Variants in NOL4 observed in about 807,000 individuals in gnomAD.
NOL4 encodes cancer/testis antigen 125.
NOL4 carries 17 observed loss-of-function variants against 75.9 expected under a neutral mutation model. The observed-to-expected ratio is 0.22, with a 90% confidence interval of 0.15 to 0.34. The LOEUF is 0.34. NOL4 is among the 10% of genes least tolerant of loss of function. NOL4 has a pLI of 1.00. For missense variants in NOL4, 614 were observed against 793.5 expected (o/e 0.77, Z 2.72); for synonymous variants, 292 against 289.9 (o/e 1.01, Z -0.07).
intron 6 of NOL4, among the ~76,000 whole-genome samples, chr18:34,015,493 C>T (rs2074632783): frequency 6.6e-6 from 1 of 151,990 alleles, no homozygotes; most frequent in Non-Finnish European, 1.5e-5. Context: ...CCCTTCTTAT[C>T]TAGTTACTTT....
chr18:34,150,793 A>G (rs1191341892), intron 1 of NOL4, among the ~76,000 whole-genome samples: 3 of 151,788 alleles, frequency 2.0e-5, no homozygotes, highest in African/African-American at 7.2e-5. Context: ...CATAGTCAAG[A>G]GAGGGAGAAG....
At chr18:34,155,674 A>C (rs2030246501) in intron 1 of NOL4, among the ~76,000 whole-genome samples, 1 of 152,054 alleles carries the variant, frequency 6.6e-6, no homozygotes, top group Non-Finnish European at 1.5e-5. Flanking sequence ...AAGGTATGTA[A>C]AATATAGTAT....
chr18:34,181,879 T>C (rs965053391), intron 1 of NOL4, among the ~76,000 whole-genome samples: 1 of 151,584 alleles, frequency 6.6e-6, no homozygotes, highest in African/African-American at 2.4e-5. Context: ...TTAGGATGGC[T>C]GTGATGAAAA....
intron 1 of NOL4, among the ~76,000 whole-genome samples, chr18:34,149,325 T>A (rs2081545784): frequency 6.6e-6 from 1 of 151,656 alleles, no homozygotes; most frequent in Admixed American, 6.6e-5. Context: ...TAAAAATCTT[T>A]AAAGCCTTCA....
At chr18:34,171,525 T>A (rs1236442241) in intron 1 of NOL4, among the ~76,000 whole-genome samples, 1 of 152,188 alleles carries the variant, frequency 6.6e-6, no homozygotes, top group East Asian at 1.9e-4. Context: ...TCCAGAATAT[T>A]CACTTTGTAC....
At chr18:33,943,459 A>G (rs138966231) in intron 8 of NOL4, among the ~76,000 whole-genome samples, 1 of 152,016 alleles carries the variant, frequency 6.6e-6, no homozygotes, top group African/African-American at 2.4e-5. Context: ...GAGTTTGAAC[A>G]GGCAGTGGCA....
chr18:33,984,074 G>A (rs1286048166), intron 6 of NOL4, among the ~76,000 whole-genome samples: 1 of 152,022 alleles, frequency 6.6e-6, no homozygotes, highest in East Asian at 1.9e-4. Flanking sequence ...ATAGGAAATC[G>A]AGTCCTCATA....
intron 1 of NOL4, among the ~76,000 whole-genome samples, chr18:34,136,360 G>T (rs2080892200): frequency 6.6e-6 from 1 of 152,086 alleles, no homozygotes; most frequent in Admixed American, 6.6e-5. Flanking sequence ...TCAGGGAAAA[G>T]ACAGAAAATA....
intron 6 of NOL4, among the ~76,000 whole-genome samples, chr18:33,976,314 A>G (rs2071483776): frequency 6.6e-6 from 1 of 152,192 alleles, no homozygotes; most frequent in Non-Finnish European, 1.5e-5. Flanking sequence ...AATACAAGGC[A>G]TATGTCAAAA....
chr18:33,974,599 G>A (rs1396316280), intron 6 of NOL4, among the ~76,000 whole-genome samples: 2 of 152,110 alleles, frequency 1.3e-5, no homozygotes, highest in Non-Finnish European at 2.9e-5. Context: ...GAAGATCACT[G>A]ATCATAGATC....
rs964579435 is a variant in NOL4, at chr18:34,060,801, C to T, written c.772+32664G>A. Reference sequence around the variant, plus strand: ...CACATGTGGTGCCTAAGAAGGACTACATAACCTGAGGCAATAAATTTCATT... The same window carrying T: ...CACATGTGGTGCCTAAGAAGGACTATATAACCTGAGGCAATAAATTTCATT... On this transcript the variant is annotated intron_variant, in intron 5 of 10. Coordinates refer to ENST00000261592, the MANE Select transcript of NOL4 (RefSeq NM_003787.5). Among the ~76,000 whole-genome samples the T allele has an allele frequency of 1.1e-4, 16 of 152,282 alleles. No homozygotes were observed. The South Asian group carries it at 1.7e-3, about 16-fold the overall frequency.
At chr18:33,975,619 A>C (rs1355725809) in intron 6 of NOL4, among the ~76,000 whole-genome samples, 1 of 152,050 alleles carries the variant, frequency 6.6e-6, no homozygotes, top group African/African-American at 2.4e-5. Context: ...CTAAAAATAC[A>C]AAAAAATTAG....
intron 2 of NOL4, among the ~76,000 whole-genome samples, chr18:34,122,279 A>C (rs1039056128): frequency 7.9e-5 from 12 of 152,216 alleles, no homozygotes; most frequent in African/African-American, 2.7e-4. Flanking sequence ...TTTACTTATC[A>C]TAAGACAACT....
chr18:33,941,850 T>C (rs1458974941), intron 9 of NOL4, among the ~76,000 whole-genome samples: 1 of 151,952 alleles, frequency 6.6e-6, no homozygotes, highest in Admixed American at 6.6e-5. Flanking sequence ...TTATAACTCA[T>C]TGTATAGATA....
chr18:33,888,820 AG>A (rs1310347731), intron 9 of NOL4, among the ~76,000 whole-genome samples: 3 of 152,110 alleles, frequency 2.0e-5, no homozygotes, highest in Admixed American at 2.0e-4. Context: ...CGGTTGCTGT[AG>A]CCTTGTAGTA....
intron 5 of NOL4, among the ~76,000 whole-genome samples, chr18:34,024,194 A>AATATATATATATATATATATATATATAT (rs1555696185): frequency 2.5e-4 from 18 of 70,602 alleles, no homozygotes; most frequent in African/African-American, 5.8e-4. Flanking sequence ...AAAAAAAAAA[A>AATATATATATATATATATATATATATAT]ATATATATAT....
chr18:34,014,492 T>C (rs961254565), intron 6 of NOL4, among the ~76,000 whole-genome samples: 1 of 152,012 alleles, frequency 6.6e-6, no homozygotes, highest in African/African-American at 2.4e-5. Context: ...AAAAAGTCAA[T>C]AATACAGTGT....
At chr18:33,893,273 T>C (rs544850611) in intron 9 of NOL4, among the ~76,000 whole-genome samples, 1 of 151,926 alleles carries the variant, frequency 6.6e-6, no homozygotes, top group East Asian at 1.9e-4. Context: ...AGATTGAGAG[T>C]GGTTTAGAAG....
At chr18:34,019,274 TCA>T (rs1450172562) in intron 6 of NOL4, 42 bp downstream of exon 6, 1 of 1,578,376 alleles carries the variant, frequency 6.3e-7, no homozygotes. Context: ...TTTGTGACCT[TCA>T]TGACCAACTC....
Sources: allele counts gnomAD v4.1 joint callset (sites outside exome capture counted in the v4.1 genomes callset), GRCh38; gene constraint gnomAD v4.1.1; transcripts MANE v1.5; gene names NCBI Gene and HGNC (gene_info 2026-07-23, HGNC 2026-07-21).